The following ALMS1 variants were observed in gnomAD, a reference collection of about 807,000 sequenced individuals.
The protein encoded by ALMS1 is centrosome-associated protein ALMS1.
ALMS1 carries 271 observed loss-of-function variants against 352.2 expected under a neutral mutation model. That is an observed-to-expected ratio of 0.77 (90% confidence interval 0.70 to 0.85). The LOEUF is 0.85. Ranked by LOEUF, ALMS1 falls within the 40% of genes least tolerant of loss-of-function variation. ALMS1 has a pLI of 0.00. For missense variants in ALMS1, 5,445 were observed against 4,870.7 expected (o/e 1.12, Z -3.51); for synonymous variants, 1,865 against 1,761.2 (o/e 1.06, Z -1.48).
At chr2:73,428,164 T>G (rs1671417551) in intron 6 of ALMS1, among the ~76,000 whole-genome samples, 1 of 152,212 alleles carries the variant, frequency 6.6e-6, no homozygotes, top group Admixed American at 6.5e-5. Flanking sequence ...TCAAGTACTG[T>G]GCTAAGAGGT....
intron 15 of ALMS1, among the ~76,000 whole-genome samples, chr2:73,571,221 A>G (rs1674919964): frequency 2.0e-5 from 3 of 152,204 alleles, no homozygotes; most frequent in Non-Finnish European, 4.4e-5. Context: ...GCTTGCCAGT[A>G]ATCTATAGTG....
chr2:73,541,616 G>C (rs1002263333), intron 12 of ALMS1, among the ~76,000 whole-genome samples: 1 of 152,094 alleles, frequency 6.6e-6, no homozygotes, highest in African/African-American at 2.4e-5. Context: ...TTGATAGACT[G>C]CTGGCCAGAC....
chr2:73,590,362 A>T (rs1431248147), intron 16 of ALMS1, among the ~76,000 whole-genome samples: 1 of 152,198 alleles, frequency 6.6e-6, no homozygotes, highest in African/African-American at 2.4e-5. Context: ...CCAAATACCC[A>T]TGGAATATTT....
Position 73,424,528 on chromosome 2 carries a change from T to C in ALMS1, c.863T>C (p.Leu288Ser), listed in dbSNP as rs1489509541. The change falls in exon 5 of 23, where the codon TTA (leucine) becomes TCA (serine). Residue 288 changes from leucine to serine, a missense_variant. Transcript: ENST00000613296. Reference protein sequence around the residue: ...FQATAEVASDLASSRFSVSQH... With the variant: ...FQATAEVASDSASSRFSVSQH... ...GCTACTGCAGAAGTAGCTTCAGACTTAGCAAGCAGTCGCTTTAGTGTATCT... is the reference window on the plus strand; with the variant it reads ...GCTACTGCAGAAGTAGCTTCAGACTCAGCAAGCAGTCGCTTTAGTGTATCT... 1.2e-6 allele frequency: 2 copies of C among 1,611,690 alleles called. No individual in the cohort carries two copies. Among genetic ancestry groups the C allele is most frequent in the Non-Finnish European group, 1.7e-6 (2 of 1,178,602 alleles).
chr2:73,450,814 C>T lies in ALMS1; in HGVS notation c.4287C>T (p.Tyr1429=), dbSNP rs2103782170. 1 of 1,614,000 alleles carries T rather than the reference C, an allele frequency of 6.2e-7. No individual in the cohort carries two copies. The highest frequency in any genetic ancestry group is 8.5e-7 in the Non-Finnish European group (1 of 1,179,956). Residue 1429 remains tyrosine (Y), a synonymous_variant, in exon 8 of 23, where the codon TAC becomes TAT. Transcript: ENST00000613296. ...TGIPTLPSTF[Y]SHTEKPGSFY... ...TACCAACTTTACCCTCTACTTTCTA[C>T]TCACACACAGAGAAGCCTGGTAGTT...
intron 9 of ALMS1, among the ~76,000 whole-genome samples, chr2:73,457,702 G>A (rs2103803467): frequency 6.6e-6 from 1 of 151,936 alleles, no homozygotes; most frequent in South Asian, 2.1e-4. Flanking sequence ...ATCCAAATTA[G>A]CAATAAAAAT....
chr2:73,424,393 G>T, intron 4 of ALMS1, 37 bp from the exon 5 acceptor site: 2 of 1,289,746 alleles, frequency 1.6e-6, no homozygotes, highest in South Asian at 3.4e-5. Flanking sequence ...TGTTTTTAAT[G>T]TTATTTATTT....
intron 10 of ALMS1, among the ~76,000 whole-genome samples, chr2:73,514,003 G>C (rs1673505938): frequency 6.6e-6 from 1 of 152,218 alleles, no homozygotes; most frequent in East Asian, 1.9e-4. Flanking sequence ...ATAAAAGAAA[G>C]GGAGAATAGA....
At chr2:73,423,934 T>C (rs945694404) in intron 4 of ALMS1, among the ~76,000 whole-genome samples, 4 of 152,094 alleles carry the variant, frequency 2.6e-5, no homozygotes, top group African/African-American at 9.7e-5. Flanking sequence ...TGTGCCACCA[T>C]GCCCAGCCAA....
In ALMS1 at chr2:73,609,669, G is replaced by C. The variant is rs1675897682; in HGVS notation, c.*57G>C. 3 of 1,533,464 alleles carry C rather than the reference G, an allele frequency of 2.0e-6. No homozygotes were observed. The East Asian group carries it at 6.7e-5, about 34-fold the overall frequency. 95.0% of individuals were successfully genotyped at this position (1,533,464 alleles called of 1,614,324 possible). A position where few individuals can be genotyped will look rare whatever the true frequency, so the allele number is the denominator to read the frequency against. On this transcript the variant is annotated 3_prime_UTR_variant, in exon 23 of 23. Transcript: ENST00000613296. ...TCTATTTTATGAACCTAGAGAAGCA[G>C]AATCCTTACTTTTGTGAGTCTGGTT...
intron 15 of ALMS1, among the ~76,000 whole-genome samples, chr2:73,568,870 A>G (rs961030440): frequency 6.6e-6 from 1 of 152,018 alleles, no homozygotes; most frequent in African/African-American, 2.4e-5. Flanking sequence ...GTAAATAACT[A>G]CTTCAACTTA....
rs995894081 is a variant in ALMS1 at position 73,534,806 on chromosome 2, T to C, written c.9782-18T>C. 4.3e-6 allele frequency: 7 copies of C among 1,611,864 alleles called. No homozygotes were observed. The South Asian group carries it at 5.5e-5, about 13-fold the overall frequency. On this transcript the variant is annotated intron_variant, in intron 11 of 22. Transcript: ENST00000613296. Reference sequence around the variant, plus strand: ...CAAATGTTTTTCATATTAATTGTTCTGATTTTTACCTCCTTAGGCCAGCCT... The same window carrying C: ...CAAATGTTTTTCATATTAATTGTTCCGATTTTTACCTCCTTAGGCCAGCCT...
intron 16 of ALMS1, among the ~76,000 whole-genome samples, chr2:73,580,106 G>A (rs942341789): frequency 6.6e-6 from 1 of 151,776 alleles, no homozygotes; most frequent in African/African-American, 2.4e-5. Flanking sequence ...TTTAGAGTAG[G>A]GTTTCACACT....
chr2:73,404,713 G>A (rs1670938754), intron 1 of ALMS1, among the ~76,000 whole-genome samples: 2 of 151,646 alleles, frequency 1.3e-5, no homozygotes, highest in South Asian at 2.1e-4. Flanking sequence ...AATAGTCGTC[G>A]GGGATACTGG....
At chr2:73,409,295 A>G (rs909984663) in intron 2 of ALMS1, among the ~76,000 whole-genome samples, 2 of 152,074 alleles carry the variant, frequency 1.3e-5, no homozygotes, top group African/African-American at 2.4e-5. Flanking sequence ...AAAATTTTTT[A>G]TAGAGATGGG....
rs1011576833 is a variant in ALMS1 at position 73,601,562 on chromosome 2, G to A, written c.12114+126G>A. On this transcript the variant is annotated intron_variant, in intron 19 of 22. Transcript: ENST00000613296. ...TGAGACGCTCTTTTCCAGCACCTCCGCAGTTCACCTGTTTTCACGCACGAG... is the reference window on the plus strand; with the variant it reads ...TGAGACGCTCTTTTCCAGCACCTCCACAGTTCACCTGTTTTCACGCACGAG... 13 of 1,429,092 alleles carry A rather than the reference G, an allele frequency of 9.1e-6. No individual in the cohort carries two copies. The South Asian group carries it at 9.9e-5, about 11-fold the overall frequency. The allele number at this position is 1,429,092 out of a possible 1,614,324, so 88.5% of individuals were successfully genotyped here.
At chr2:73,417,509 T>C (rs1026314936) in intron 2 of ALMS1, among the ~76,000 whole-genome samples, 4 of 152,208 alleles carry the variant, frequency 2.6e-5, no homozygotes, top group African/African-American at 9.6e-5. Context: ...AAGAATATGC[T>C]AGCAAACATT....
chr2:73,470,113 ATGTT>A (rs1489805595), intron 9 of ALMS1: 5 of 151,818 alleles, frequency 3.3e-5, no homozygotes, highest in Admixed American at 1.3e-4. Flanking sequence ...GTCTAGCTAA[ATGTT>A]TGTTAACATT....
intron 13 of ALMS1, among the ~76,000 whole-genome samples, chr2:73,555,956 A>G (rs934875187): frequency 2.0e-5 from 3 of 152,182 alleles, no homozygotes; most frequent in Non-Finnish European, 4.4e-5. Flanking sequence ...AATGCTGTAC[A>G]CTGTTGGTTA....
Sources: gnomAD v4.1 joint callset for allele counts (sites outside exome capture counted in the v4.1 genomes callset) on GRCh38, gnomAD v4.1.1 for gene constraint, MANE v1.5 for transcripts, NCBI Gene and HGNC (gene_info 2026-07-23, HGNC 2026-07-21) for gene names.